ABRACL: variants seen among roughly 807,000 people sequenced by gnomAD.
ABRACL encodes the protein ABRA C-terminal like, also known as costars family protein ABRACL.
Under a neutral mutation model 7.0 loss-of-function variants are expected in ABRACL, and 4 were observed. The ratio of observed to expected loss-of-function variants is 0.57; its 90% CI spans 0.28 to 1.30. The LOEUF is 1.30. Ranked by LOEUF, ABRACL falls within the 50% of genes most tolerant of loss-of-function variation. The pLI is 0.10. For synonymous variants in ABRACL, 30 were observed against 36.0 expected, an observed-to-expected ratio of 0.83 and a Z score of 0.60; for missense variants, 104 against 97.3, an observed-to-expected ratio of 1.07 and a Z score of -0.29.
chr6:139,029,289 G>A (rs1786041742), intron 1 of ABRACL, among the ~76,000 whole-genome samples: 1 of 152,118 alleles, frequency 6.6e-6, no homozygotes, highest in Non-Finnish European at 1.5e-5. Flanking sequence ...TGGCCTCAGG[G>A]CAGTGGACTC....
At chr6:139,037,237 G>A (rs1411675069) in intron 2 of ABRACL, among the ~76,000 whole-genome samples, 2 of 151,910 alleles carry the variant, frequency 1.3e-5, no homozygotes, top group South Asian at 2.1e-4. Flanking sequence ...AGAGAACACC[G>A]AGAAGACATT....
intron 2 of ABRACL, among the ~76,000 whole-genome samples, chr6:139,036,889 C>G (rs1786166240): frequency 6.6e-6 from 1 of 152,094 alleles, no homozygotes; most frequent in Non-Finnish European, 1.5e-5. Flanking sequence ...GAGGCTGAGG[C>G]AGGAGGATTG....
At chr6:139,030,246 C>G (rs1456722175) in intron 1 of ABRACL, among the ~76,000 whole-genome samples, 2 of 151,982 alleles carry the variant, frequency 1.3e-5, no homozygotes, top group South Asian at 4.1e-4. Context: ...ATTGGTATAT[C>G]CATCACCCTA....
intron 2 of ABRACL, among the ~76,000 whole-genome samples, chr6:139,041,445 CTCTCTCTA>C (rs1414291654): frequency 5.8e-5 from 4 of 69,066 alleles, no homozygotes; most frequent in African/African-American, 8.0e-5. Flanking sequence ...CTCTCTCTCT[CTCTCTCTA>C]TATATATATA....
intron 2 of ABRACL, among the ~76,000 whole-genome samples, chr6:139,038,673 A>G (rs755596778): frequency 2.6e-5 from 4 of 152,114 alleles, no homozygotes; most frequent in Non-Finnish European, 5.9e-5. Context: ...CAAGTGCTGG[A>G]GATGTAAAAA....
chr6:139,032,163 A>G (rs1197006890), intron 1 of ABRACL, among the ~76,000 whole-genome samples: 1 of 151,652 alleles, frequency 6.6e-6, no homozygotes, highest in South Asian at 2.1e-4. Flanking sequence ...ACGGGGTTTC[A>G]CCGTGTTAGC....
intron 2 of ABRACL, among the ~76,000 whole-genome samples, chr6:139,037,934 C>A (rs1786189039): frequency 6.6e-6 from 1 of 151,630 alleles, no homozygotes; most frequent in South Asian, 2.1e-4. Context: ...CTGCCACCAC[C>A]CCCAGCTAAT....
intron 2 of ABRACL, among the ~76,000 whole-genome samples, chr6:139,035,576 G>A (rs992335064): frequency 6.6e-5 from 10 of 151,630 alleles, no homozygotes; most frequent in South Asian, 2.1e-4. Flanking sequence ...TCCGCCTCCC[G>A]GGTTCAAGCG....
chr6:139,029,551 C>CG (rs941431571), intron 1 of ABRACL, among the ~76,000 whole-genome samples: 2 of 152,212 alleles, frequency 1.3e-5, no homozygotes, highest in South Asian at 2.1e-4. Context: ...CGCCCCGCCA[C>CG]GGGGGGCCCA....
At chr6:139,041,892 G>C (rs551752560) in intron 2 of ABRACL, among the ~76,000 whole-genome samples, 1 of 152,276 alleles carries the variant, frequency 6.6e-6, no homozygotes, top group East Asian at 1.9e-4. Flanking sequence ...CCAGTGGGAA[G>C]TTCTAGCCAG....
At chr6:139,041,531 A>ATATATTTT (rs748288046) in intron 2 of ABRACL, among the ~76,000 whole-genome samples, 1 of 126,038 alleles carries the variant, frequency 7.9e-6, no homozygotes, top group Non-Finnish European at 1.6e-5. Flanking sequence ...ATATATATAT[A>ATATATTTT]TTTTTTTTTA....
intron 2 of ABRACL, among the ~76,000 whole-genome samples, chr6:139,042,345 A>G (rs891789411): frequency 1.3e-5 from 2 of 152,204 alleles, no homozygotes; most frequent in Non-Finnish European, 2.9e-5. Context: ...TTAGAGAAAC[A>G]CTGCTCTTGA....
chr6:139,035,489 C>CT (rs11427534), intron 2 of ABRACL, among the ~76,000 whole-genome samples: 46,981 of 149,286 alleles, frequency 0.31, 8,500 homozygotes, highest in East Asian at 0.68. Context: ...ACTTTTAATT[C>CT]TTTTTTTTTT....
intron 1 of ABRACL, among the ~76,000 whole-genome samples, chr6:139,030,379 T>C (rs898732120): frequency 2.0e-5 from 3 of 152,164 alleles, no homozygotes; most frequent in African/African-American, 2.4e-5. Flanking sequence ...CCAGGTCTTA[T>C]TTCTTCTGTG....
In ABRACL at chr6:139,041,086, G is replaced by A. The variant is rs146955973; in HGVS notation, c.62-1633G>A. 1.7e-3 allele frequency among the ~76,000 whole-genome samples: 260 copies of A among 152,168 alleles called. 3 individuals are homozygous for A. The highest frequency in any genetic ancestry group is 5.9e-3 in the African/African-American group (243 of 41,516). On this transcript the variant is annotated intron_variant, in intron 2 of 2. Transcript: ENST00000367660. Reference sequence around the variant, plus strand: ...CAGAGATTTCAACTGAGGACTATTAGGTTTTTAAAAAGCTCATGTATATCA... The same window carrying A: ...CAGAGATTTCAACTGAGGACTATTAAGTTTTTAAAAAGCTCATGTATATCA...
chr6:139,033,972 A>C lies in ABRACL; in HGVS notation c.-6-183A>C, dbSNP rs533019806. ...TGCAGGGAGCTGAGGGGGCGGTTAC[A>C]AAGGTAGAGGGAAAATGGGGACACT... On this transcript the variant is annotated intron_variant, in intron 1 of 2. Coordinates refer to ENST00000367660, the MANE Select transcript of ABRACL (RefSeq NM_021243.3). Among the ~76,000 whole-genome samples the C allele has an allele frequency of 2.1e-5, 3 of 140,710 alleles. No homozygotes were observed. The South Asian group carries it at 7.2e-4, about 34-fold the overall frequency. 92.3% of individuals were successfully genotyped at this position (140,710 alleles called of 152,430 possible). A position where few individuals can be genotyped will look rare whatever the true frequency, so the allele number is the denominator to read the frequency against.
chr6:139,030,232 G>C (rs1786059881), intron 1 of ABRACL, among the ~76,000 whole-genome samples: 2 of 151,828 alleles, frequency 1.3e-5, no homozygotes, highest in Admixed American at 6.6e-5. Context: ...ACCAAATCAG[G>C]GTAATTGGTA....
rs141706271 is a variant in ABRACL, at chr6:139,034,133, A to G, written c.-6-22A>G. ...ATGGAATGTAATGGTGATAATTTAG[A>G]CTTCCTTTTTTTCTCTCCCAGGCAG... On this transcript the variant is annotated intron_variant, in intron 1 of 2. Transcript: ENST00000367660. The G allele has an allele frequency of 3.4e-4, 545 of 1,614,108 alleles. 3 individuals are homozygous for G. In the African/African-American group the frequency reaches 6.2e-3, roughly 18 times the overall value.
At chr6:139,040,995 A>T (rs775324924) in intron 2 of ABRACL, among the ~76,000 whole-genome samples, 13 of 152,202 alleles carry the variant, frequency 8.5e-5, no homozygotes, top group South Asian at 2.1e-4. Context: ...CCCATTTTAC[A>T]CAGGAGGAAG....
Sources: allele counts gnomAD v4.1 joint callset (sites outside exome capture counted in the v4.1 genomes callset), GRCh38; gene constraint gnomAD v4.1.1; transcripts MANE v1.5; gene names NCBI Gene and HGNC (gene_info 2026-07-23, HGNC 2026-07-21).